Variants in LCORL observed in about 807,000 individuals in gnomAD.
LCORL encodes ligand-dependent nuclear receptor corepressor-like protein.
LCORL carries 41 observed loss-of-function variants against 141.8 expected under a neutral mutation model. The observed-to-expected ratio is 0.29, with a 90% CI of 0.23 to 0.38. The LOEUF is 0.38. Among genes scored for constraint, LCORL ranks in the 10% least tolerant of loss-of-function variants. The pLI, the probability that LCORL is intolerant of heterozygous loss-of-function variation, is 1.00. For missense variants in LCORL, 1,759 were observed against 2,035.0 expected (o/e 0.86, Z 2.61); for synonymous variants, 618 against 694.1 (o/e 0.89, Z 1.72).
At chr4:17,892,800 A>G (rs1242496053) in intron 5 of LCORL, among the ~76,000 whole-genome samples, 1 of 152,192 alleles carries the variant, frequency 6.6e-6, no homozygotes, top group African/African-American at 2.4e-5. Flanking sequence ...GTACTGAATT[A>G]AATCATGGCT....
chr4:17,988,952 C>T (rs2109765061), intron 1 of LCORL, among the ~76,000 whole-genome samples: 1 of 152,318 alleles, frequency 6.6e-6, no homozygotes, highest in Middle Eastern at 3.4e-3. Flanking sequence ...CCACTGCACT[C>T]CAGCCTGGGG....
At chr4:17,889,634 G>A (rs962202381) in intron 5 of LCORL, among the ~76,000 whole-genome samples, 8 of 151,702 alleles carry the variant, frequency 5.3e-5, no homozygotes, top group Non-Finnish European at 1.5e-5. Context: ...GTAGTTCAAG[G>A]GCTGGAAAAG....
rs761784734 is a variant in LCORL at position 17,897,213 on chromosome 4, CTTTTTTTTTTTTT to C, written c.683-11065_683-11053del. Among the ~76,000 whole-genome samples the C allele has an allele frequency of 2.9e-3, 187 of 63,986 alleles. 4 individuals carry two copies. The highest frequency in any genetic ancestry group is 5.8e-3 in the South Asian group (10 of 1,712). 42.0% of individuals were successfully genotyped at this position (63,986 alleles called of 152,430 possible). ...AGACTTCTCTTTGATATACTGATTT[CTTTTTTTTTTTTT>C]TTTTTTTTTTTTTTTTTTTTTTTTT... On this transcript the variant is annotated intron_variant, in intron 5 of 7. Coordinates refer to ENST00000635767, the Ensembl canonical transcript of LCORL.
At chr4:18,009,609 G>A (rs141017587) in intron 1 of LCORL, among the ~76,000 whole-genome samples, 307 of 152,128 alleles carry the variant, frequency 2.0e-3, no homozygotes, top group African/African-American at 6.9e-3. Flanking sequence ...ACACCAGGCT[G>A]CAATCCTACA....
At chr4:17,845,679 T>TACTG in exon 8 of LCORL, 2 of 1,431,968 alleles carry the variant, frequency 1.4e-6, no homozygotes, top group Non-Finnish European at 1.9e-6. Flanking sequence ...TCAGAAGGAA[T>TACTG]ACTGACATAC....
chr4:17,919,943 T>G (rs998504464), intron 4 of LCORL, among the ~76,000 whole-genome samples: 4 of 152,212 alleles, frequency 2.6e-5, no homozygotes, highest in African/African-American at 4.8e-5. Flanking sequence ...AGGTTCCAGA[T>G]AGTTGAACAT....
exon 7 of LCORL, chr4:17,873,936 A>G: frequency 8.1e-7 from 1 of 1,234,028 alleles, no homozygotes; most frequent in South Asian, 4.1e-5. Flanking sequence ...TTTATTCTCA[A>G]AACTAGCATG....
intron 5 of LCORL, among the ~76,000 whole-genome samples, chr4:17,897,292 G>A (rs1380170196): frequency 8.6e-6 from 1 of 115,628 alleles, no homozygotes; most frequent in African/African-American, 3.3e-5. Flanking sequence ...ATCATATAGT[G>A]GCTCTATTTT....
intron 7 of LCORL, among the ~76,000 whole-genome samples, chr4:17,850,497 G>C (rs145963340): frequency 0.052 from 7,859 of 152,168 alleles, 691 homozygotes; most frequent in African/African-American, 0.18. Context: ...CAAAAGAAGA[G>C]ATTTATGCAG....
chr4:17,866,938 A>G, intron 7 of LCORL: 1 of 972,184 alleles, frequency 1.0e-6, no homozygotes, highest in South Asian at 4.8e-5. Context: ...ATTGAAACCA[A>G]TCTCCTTCTA....
At chr4:17,929,829 C>A (rs1479343856) in intron 4 of LCORL, among the ~76,000 whole-genome samples, 1 of 152,086 alleles carries the variant, frequency 6.6e-6, no homozygotes, top group African/African-American at 2.4e-5. Context: ...ACAGTCCACA[C>A]AATGGGAAAA....
chr4:17,882,934 AT>A, intron 6 of LCORL: 1 of 924,672 alleles, frequency 1.1e-6, no homozygotes, highest in Non-Finnish European at 1.3e-6. Flanking sequence ...ACAAAACTAA[AT>A]TATTTTAATA....
At chr4:17,940,388 T>C (rs953364060) in intron 4 of LCORL, among the ~76,000 whole-genome samples, 4 of 147,170 alleles carry the variant, frequency 2.7e-5, no homozygotes, top group Admixed American at 1.4e-4. Context: ...TTTAAATGCA[T>C]GAATATATAG....
intron 4 of LCORL, among the ~76,000 whole-genome samples, chr4:17,953,089 T>C (rs753271997): frequency 6.6e-6 from 1 of 152,236 alleles, no homozygotes; most frequent in Non-Finnish European, 1.5e-5. Context: ...TTCTTTTTCA[T>C]GGCTGCATAG....
intron 1 of LCORL, among the ~76,000 whole-genome samples, chr4:18,006,652 C>T (rs992103257): frequency 6.6e-6 from 1 of 152,142 alleles, no homozygotes; most frequent in Non-Finnish European, 1.5e-5. Context: ...GAGAAGAGAG[C>T]TTGTGCAGGG....
chr4:18,006,586 G>T (rs1311554766), intron 1 of LCORL, among the ~76,000 whole-genome samples: 1 of 152,160 alleles, frequency 6.6e-6, no homozygotes, highest in African/African-American at 2.4e-5. Context: ...AGTGGCTGGG[G>T]AAGCCTCACA....
chr4:17,881,158 C>CT (rs878999700), intron 6 of LCORL: 8,538 of 717,942 alleles, frequency 0.012, 4 homozygotes, highest in African/African-American at 0.018. Context: ...TCTTTTCCTT[C>CT]TTTTTTTTTT....
chr4:17,959,838 T>C (rs1206721441), intron 4 of LCORL, among the ~76,000 whole-genome samples: 1 of 152,110 alleles, frequency 6.6e-6, no homozygotes, highest in African/African-American at 2.4e-5. Context: ...TAAAAAGATG[T>C]TTTAACAACA....
At chr4:17,933,942 A>T (rs1206354902) in intron 4 of LCORL, among the ~76,000 whole-genome samples, 1 of 151,884 alleles carries the variant, frequency 6.6e-6, no homozygotes, top group African/African-American at 2.4e-5. Flanking sequence ...CTACTTATTA[A>T]CAAGATTCTA....
Sources: allele counts gnomAD v4.1 joint callset (sites outside exome capture counted in the v4.1 genomes callset), GRCh38; gene constraint gnomAD v4.1.1; transcripts MANE v1.5; gene names NCBI Gene and HGNC (gene_info 2026-07-23, HGNC 2026-07-21).